Variants in NXPE2 observed in about 807,000 individuals in gnomAD.
NXPE2 encodes the protein neurexophilin and PC-esterase domain family member 2, also known as NXPE family member 2.
NXPE2 carries 34 observed loss-of-function variants against 34.4 expected under a neutral mutation model. The ratio of observed to expected loss-of-function variants is 0.99; its 90% confidence interval spans 0.75 to 1.31. The LOEUF is 1.31. Among genes scored for constraint, NXPE2 ranks in the 40% most tolerant of loss-of-function variants. NXPE2 has a pLI of 0.00. For missense variants in NXPE2, 649 were observed against 672.5 expected, an observed-to-expected ratio of 0.97 and a Z score of 0.39; for synonymous variants, 235 against 231.3, an observed-to-expected ratio of 1.02 and a Z score of -0.15.
At chr11:114,769,113 GA>G in the NXPE2 span, among the ~76,000 whole-genome samples, 603 of 145,054 alleles carry the variant, frequency 4.2e-3, 1 homozygote, top group African/African-American at 0.014. Flanking sequence ...AAATTTGCAA[GA>G]AAAAAAAACA....
At chr11:114,663,333 T>C in the NXPE2 span, among the ~76,000 whole-genome samples, 1 of 152,178 alleles carries the variant, frequency 6.6e-6, no homozygotes, top group Admixed American at 6.6e-5. Context: ...GCTGCTCTTG[T>C]AGCCTGCCAA....
the NXPE2 span, among the ~76,000 whole-genome samples, chr11:114,564,341 C>G: frequency 2.0e-5 from 3 of 152,116 alleles, no homozygotes; most frequent in Non-Finnish European, 4.4e-5. Flanking sequence ...GGATAAAAGA[C>G]TACACATTGG....
chr11:114,523,928 T>C, the NXPE2 span, among the ~76,000 whole-genome samples: 1 of 152,228 alleles, frequency 6.6e-6, no homozygotes, highest in Non-Finnish European at 1.5e-5. Flanking sequence ...AAGACCAAGA[T>C]AATAATGACT....
chr11:114,800,184 A>ACAAACAGCATCTTTACCCCCAAAATTG, the NXPE2 span, among the ~76,000 whole-genome samples: 3 of 152,220 alleles, frequency 2.0e-5, no homozygotes, highest in Admixed American at 6.5e-5. Flanking sequence ...GCAGTACAGA[A>ACAAACAGCATCTTTACCCCCAAAATTG]CAAACAGCAT....
chr11:114,552,873 A>T, the NXPE2 span: 1 of 978,370 alleles, frequency 1.0e-6, no homozygotes, highest in Non-Finnish European at 1.2e-6. Context: ...CAGGTAGCAC[A>T]GAATGCACTG....
At chr11:114,728,637 G>C in the NXPE2 span, among the ~76,000 whole-genome samples, 1 of 152,000 alleles carries the variant, frequency 6.6e-6, no homozygotes, top group East Asian at 1.9e-4. Context: ...AGAGGCCAAT[G>C]GATATTCTGT....
At chr11:114,518,964 C>T in the NXPE2 span, among the ~76,000 whole-genome samples, 1 of 152,092 alleles carries the variant, frequency 6.6e-6, no homozygotes, top group South Asian at 2.1e-4. Flanking sequence ...ATCAACAAAC[C>T]ACTTTTATTA....
chr11:114,485,481 C>T, the NXPE2 span, among the ~76,000 whole-genome samples: 15 of 150,544 alleles, frequency 1.0e-4, no homozygotes, highest in Non-Finnish European at 1.6e-4. Flanking sequence ...CCTGCCACCT[C>T]GGCCTCCCAA....
the NXPE2 span, among the ~76,000 whole-genome samples, chr11:114,668,357 G>A: frequency 6.6e-6 from 1 of 151,702 alleles, no homozygotes; most frequent in Non-Finnish European, 1.5e-5. Flanking sequence ...CCACTCCTAA[G>A]TTCTCAACTG....
At chr11:114,562,399 A>G in the NXPE2 span, among the ~76,000 whole-genome samples, 1 of 152,178 alleles carries the variant, frequency 6.6e-6, no homozygotes, top group South Asian at 2.1e-4. Flanking sequence ...GTGCTTCCAT[A>G]TGATATGTGG....
the NXPE2 span, among the ~76,000 whole-genome samples, chr11:114,565,924 C>T: frequency 6.6e-6 from 1 of 151,756 alleles, no homozygotes; most frequent in Non-Finnish European, 1.5e-5. Context: ...AAAGATTCTC[C>T]ACATATATTG....
chr11:114,519,534 C>A, the NXPE2 span, among the ~76,000 whole-genome samples: 3 of 152,178 alleles, frequency 2.0e-5, no homozygotes, highest in African/African-American at 7.2e-5. Flanking sequence ...GAGTAAATGA[C>A]AAAACACTGT....
At chr11:114,627,107 C>G in the NXPE2 span, among the ~76,000 whole-genome samples, 1 of 151,960 alleles carries the variant, frequency 6.6e-6, no homozygotes, top group African/African-American at 2.4e-5. Context: ...AGGATATTAT[C>G]CAGGAGAACT....
the NXPE2 span, among the ~76,000 whole-genome samples, chr11:114,565,658 C>T: frequency 2.0e-5 from 3 of 151,560 alleles, no homozygotes; most frequent in Non-Finnish European, 4.4e-5. Flanking sequence ...GTCAGGAAAA[C>T]TTATCTGAGA....
At chr11:114,679,268 C>CAG (rs1950905513) in intron 1 of NXPE2, among the ~76,000 whole-genome samples, 1 of 111,608 alleles carries the variant, frequency 9.0e-6, no homozygotes, top group African/African-American at 3.6e-5. Context: ...GTGTGTGTAT[C>CAG]AGAGAGAGAG....
the NXPE2 span, among the ~76,000 whole-genome samples, chr11:114,809,350 C>G: frequency 6.6e-6 from 1 of 151,760 alleles, no homozygotes; most frequent in East Asian, 1.9e-4. Context: ...CCTGAGCAAT[C>G]AGGCAGGAGA....
At chr11:114,504,195 C>T in the NXPE2 span, among the ~76,000 whole-genome samples, 1 of 152,178 alleles carries the variant, frequency 6.6e-6, no homozygotes, top group Non-Finnish European at 1.5e-5. Context: ...AACCCCCCAA[C>T]CCCCAGTGAT....
At chr11:114,558,785 T>C in the NXPE2 span, among the ~76,000 whole-genome samples, 2 of 152,186 alleles carry the variant, frequency 1.3e-5, no homozygotes, top group Non-Finnish European at 2.9e-5. Flanking sequence ...TTTCTGTTAG[T>C]TTGTGTTTAT....
chr11:114,656,694 G>A, the NXPE2 span, among the ~76,000 whole-genome samples: 4 of 151,932 alleles, frequency 2.6e-5, no homozygotes, highest in African/African-American at 9.7e-5. Context: ...CCAAAAATAG[G>A]CAAGCAGAGA....
Sources: gnomAD v4.1 joint callset for allele counts (sites outside exome capture counted in the v4.1 genomes callset) on GRCh38, gnomAD v4.1.1 for gene constraint, MANE v1.5 for transcripts, NCBI Gene and HGNC (gene_info 2026-07-23, HGNC 2026-07-21) for gene names.